TNIK: variants seen among roughly 807,000 people sequenced by gnomAD.
The protein encoded by TNIK is TRAF2 and NCK-interacting protein kinase.
A neutral mutation model predicts 191.3 loss-of-function variants in TNIK; 49 were observed. The observed-to-expected ratio is 0.26, with a 90% CI of 0.20 to 0.32. The LOEUF is 0.32. Among genes scored for constraint, TNIK ranks in the 10% least tolerant of loss-of-function variants. TNIK has a pLI of 1.00. For missense variants in TNIK, 1,155 were observed against 1,702.3 expected, an observed-to-expected ratio of 0.68 and a Z score of 5.66; for synonymous variants, 594 against 600.9, an observed-to-expected ratio of 0.99 and a Z score of 0.17.
chr3:171,429,306 C>A (rs1208058497), intron 1 of TNIK, among the ~76,000 whole-genome samples: 8 of 152,190 alleles, frequency 5.3e-5, no homozygotes, highest in Non-Finnish European at 1.2e-4. Flanking sequence ...CTCTACAATT[C>A]ATTCTACAAT....
At chr3:171,108,305 C>T in intron 19 of TNIK, 143 bp from the exon 20 acceptor site, 2 of 592,114 alleles carry the variant, frequency 3.4e-6, no homozygotes, top group Admixed American at 3.6e-5. Context: ...CCTCAAGAAA[C>T]ATCCATGAAA....
At chr3:171,243,929 A>G (rs1745274482) in intron 2 of TNIK, among the ~76,000 whole-genome samples, 1 of 152,184 alleles carries the variant, frequency 6.6e-6, no homozygotes, top group South Asian at 2.1e-4. Context: ...TAACTCATTG[A>G]GAAAGAACCA....
chr3:171,117,483 C>T (rs1470846877), intron 18 of TNIK, among the ~76,000 whole-genome samples: 2 of 27,188 alleles, frequency 7.4e-5, no homozygotes, highest in African/African-American at 4.2e-4. Flanking sequence ...TGTTACACTG[C>T]TTAAATTAGT....
intron 3 of TNIK, among the ~76,000 whole-genome samples, chr3:171,217,914 T>A (rs994616227): frequency 6.6e-6 from 1 of 152,108 alleles, no homozygotes; most frequent in Non-Finnish European, 1.5e-5. Flanking sequence ...TTTGCCAAGG[T>A]CGTGTGGCTG....
At chr3:171,110,691 G>T (rs994508775) in intron 19 of TNIK, 23 bp downstream of exon 19, 6 of 1,562,780 alleles carry the variant, frequency 3.8e-6, no homozygotes, top group African/African-American at 2.7e-5. Context: ...GTATTGCCAG[G>T]TAAAGGTAAG....
At chr3:171,348,491 C>T (rs1054135840) in intron 2 of TNIK, among the ~76,000 whole-genome samples, 1 of 151,970 alleles carries the variant, frequency 6.6e-6, no homozygotes, top group Non-Finnish European at 1.5e-5. Context: ...TAGATGCAGA[C>T]AGCACAGGAC....
intron 2 of TNIK, among the ~76,000 whole-genome samples, chr3:171,292,665 A>G (rs1250260989): frequency 1.3e-5 from 2 of 150,850 alleles, no homozygotes; most frequent in Non-Finnish European, 2.9e-5. Flanking sequence ...AGTCCCAGCT[A>G]CTCGGGAGGC....
intron 2 of TNIK, among the ~76,000 whole-genome samples, chr3:171,245,910 AAGAG>A (rs987681886): frequency 2.0e-5 from 3 of 152,148 alleles, no homozygotes; most frequent in Admixed American, 6.5e-5. Context: ...GAGAGAGAGA[AAGAG>A]AGAGAAACAG....
intron 1 of TNIK, among the ~76,000 whole-genome samples, chr3:171,410,682 G>T (rs1002566396): frequency 3.3e-5 from 5 of 151,004 alleles, no homozygotes; most frequent in African/African-American, 1.2e-4. Flanking sequence ...GGGAGGCTGA[G>T]GCAGGAGAAT....
At chr3:171,321,505 A>T (rs1386698126) in intron 2 of TNIK, among the ~76,000 whole-genome samples, 1 of 152,190 alleles carries the variant, frequency 6.6e-6, no homozygotes, top group Non-Finnish European at 1.5e-5. Flanking sequence ...GTAATTTTTA[A>T]AGCTGACAGG....
intron 22 of TNIK, among the ~76,000 whole-genome samples, chr3:171,094,174 G>A (rs1241660260): frequency 4.7e-5 from 7 of 149,762 alleles, no homozygotes; most frequent in African/African-American, 1.2e-4. Context: ...TCGCCTTGTC[G>A]CCCAGGCTGG....
At chr3:171,097,054 A>G (rs1722825993) in intron 22 of TNIK, among the ~76,000 whole-genome samples, 1 of 152,218 alleles carries the variant, frequency 6.6e-6, no homozygotes, top group Non-Finnish European at 1.5e-5. Context: ...GTTATCATAG[A>G]ATAACAAAAA....
chr3:171,232,439 T>G (rs1344440574), intron 2 of TNIK, among the ~76,000 whole-genome samples: 1 of 152,124 alleles, frequency 6.6e-6, no homozygotes, highest in African/African-American at 2.4e-5. Flanking sequence ...AAATTCTCCA[T>G]GAAAATTAGA....
intron 4 of TNIK, among the ~76,000 whole-genome samples, chr3:171,196,233 T>G (rs537259183): frequency 2.6e-5 from 4 of 152,104 alleles, no homozygotes; most frequent in Non-Finnish European, 5.9e-5. Context: ...ATCTAATAAA[T>G]GAAGAAGACA....
At chr3:171,235,533 A>T (rs1050981342) in intron 2 of TNIK, among the ~76,000 whole-genome samples, 10 of 152,170 alleles carry the variant, frequency 6.6e-5, no homozygotes, top group African/African-American at 2.4e-4. Flanking sequence ...TATAAACATC[A>T]TTCAAAACCC....
intron 15 of TNIK, among the ~76,000 whole-genome samples, chr3:171,133,828 G>A (rs1729631682): frequency 6.6e-6 from 1 of 152,152 alleles, no homozygotes; most frequent in Non-Finnish European, 1.5e-5. Context: ...TATACACAGT[G>A]ATTTCAAAGT....
In TNIK at chr3:171,351,462, C is replaced by A. The variant is rs559176870; in HGVS notation, c.123+18158G>T. Among the ~76,000 whole-genome samples the A allele has an allele frequency of 6.0e-4, 91 of 152,192 alleles. 1 individual carries two copies. Among genetic ancestry groups the A allele is most frequent in the African/African-American group, 2.1e-3 (89 of 41,522 alleles). Reference sequence around the variant, plus strand: ...ATACAAAAATTGCATTATGTGTCATCTTCATTTTTCATTAGGTATTTTGAT... The same window carrying A: ...ATACAAAAATTGCATTATGTGTCATATTCATTTTTCATTAGGTATTTTGAT... On this transcript the variant is annotated intron_variant, in intron 2 of 32. Transcript: ENST00000436636.
intron 28 of TNIK, among the ~76,000 whole-genome samples, chr3:171,073,338 G>T (rs1165534067): frequency 6.6e-6 from 1 of 152,020 alleles, no homozygotes. Flanking sequence ...ATATGCAGAA[G>T]AATGAAACTA....
chr3:171,122,261 G>A (rs955916650), intron 18 of TNIK, among the ~76,000 whole-genome samples: 3 of 152,220 alleles, frequency 2.0e-5, no homozygotes, highest in African/African-American at 7.2e-5. Flanking sequence ...AGAGCCCCCG[G>A]GGGCAGGGTT....
Sources: gnomAD v4.1 joint callset for allele counts (sites outside exome capture counted in the v4.1 genomes callset) on GRCh38, gnomAD v4.1.1 for gene constraint, MANE v1.5 for transcripts, NCBI Gene and HGNC (gene_info 2026-07-23, HGNC 2026-07-21) for gene names.